AATK: variants seen among roughly 807,000 people sequenced by gnomAD.
AATK encodes the protein lemur tail kinase 1.
In AATK, 91 loss-of-function variants were observed where a neutral mutation model predicts 114.3. That is an observed-to-expected ratio of 0.80 (90% CI 0.67 to 0.95). The LOEUF (loss-of-function observed/expected upper bound fraction) is 0.95, where lower values mean the gene tolerates loss of function less well. Among genes scored for constraint, AATK ranks in the 40% least tolerant of loss-of-function variants. The pLI is 0.00. For missense variants in AATK, 2,176 were observed against 1,965.2 expected (o/e 1.11, Z -2.03); for synonymous variants, 1,075 against 916.5 (o/e 1.17, Z -3.12).
Position 81,131,109 on chromosome 17 carries a change from G to T in AATK, c.286C>A (p.Pro96Thr). The T allele has an allele frequency of 6.4e-7, 1 of 1,559,894 alleles. No individual in the cohort carries two copies. The highest frequency in any genetic ancestry group is 8.7e-7 in the Non-Finnish European group (1 of 1,152,488). Residue 96 changes from proline to threonine, a missense_variant, in exon 3 of 14, where the codon CCA becomes ACA. Coordinates refer to ENST00000326724, the MANE Select transcript of AATK (RefSeq NM_001080395.3). ...ATGGGCAAGGAGACCTCCGTGAGTG[G>T]CAGGACGTACACGTCGGGCCCGTTC... ...AQNGPDVYVL[P>T]LTEVSLPMAK... is the part of the protein sequence containing the mutation.
At chr17:81,161,150 C>T (rs117138630) in intron 1 of AATK, among the ~76,000 whole-genome samples, 135 of 152,338 alleles carry the variant, frequency 8.9e-4, no homozygotes, top group East Asian at 8.5e-3. Context: ...CCTGGGACCA[C>T]GGGCTGCTGG....
At position 81,122,090 on chromosome 17, in the gene AATK, G is replaced by A. The variant is rs893613833; in HGVS notation, c.1846C>T (p.Pro616Ser). The A allele has an allele frequency of 8.2e-6, 13 of 1,575,844 alleles. No homozygotes were observed. Among genetic ancestry groups the A allele is most frequent in the Non-Finnish European group, 1.1e-5 (13 of 1,168,278 alleles). ...GCTCCTCCCTCCGCCAGACTCAGGG[G>A]CCCCGCCGAGGGCGAGGGAGAGCGT... is the stretch of plus-strand genomic sequence containing the variant. Reference protein sequence around the residue: ...PSRSPSPSAGPLSLAEGGAED... With the variant: ...PSRSPSPSAGSLSLAEGGAED... Residue 616 changes from proline (P) to serine (S), a missense_variant, in exon 11 of 14, where the codon CCC becomes TCC. By Grantham distance (74) the Pro-to-Ser change is moderately conservative. Around this residue, in one of 4 missense-constraint regions of AATK, gnomAD observed 1,701 missense variants for 1,394.7 expected, o/e 1.22. Coordinates refer to ENST00000326724, the MANE Select transcript of AATK (RefSeq NM_001080395.3).
Position 81,118,115 on chromosome 17 carries a change from T to A in AATK, c.*287A>T, listed in dbSNP as rs1044251076. On this transcript the variant is annotated 3_prime_UTR_variant, in exon 14 of 14. Coordinates refer to ENST00000326724, the MANE Select transcript of AATK (RefSeq NM_001080395.3). ...CCCAGGGGCACTGGCCCCTTTTGAG[T>A]GTGTATGTGTGTACAGACACCCACT... 1.9e-4 allele frequency: 74 copies of A among 393,998 alleles called. No individual in the cohort carries two copies. The highest frequency in any genetic ancestry group is 1.5e-3 in the African/African-American group (71 of 48,708). The allele number at this position is 393,998 out of a possible 1,614,324, so 24.4% of individuals were successfully genotyped here. A position where few individuals can be genotyped will look rare whatever the true frequency, so the allele number is the denominator to read the frequency against.
At chr17:81,150,055 G>A (rs529400582) in intron 1 of AATK, among the ~76,000 whole-genome samples, 8 of 152,136 alleles carry the variant, frequency 5.3e-5, no homozygotes, top group Non-Finnish European at 7.4e-5. Flanking sequence ...GTGGATACTC[G>A]GTGTCCAGAC....
At chr17:81,123,436 G>T in intron 9 of AATK, 93 bp from the exon 10 acceptor site, 1 of 1,163,238 alleles carries the variant, frequency 8.6e-7, no homozygotes, top group Non-Finnish European at 1.1e-6. Flanking sequence ...GGCAGCTCCC[G>T]CCATCACGCC....
intron 1 of AATK, among the ~76,000 whole-genome samples, chr17:81,154,991 T>A (rs1233875804): frequency 6.6e-6 from 1 of 152,196 alleles, no homozygotes; most frequent in Non-Finnish European, 1.5e-5. Flanking sequence ...CTGTGCTTCA[T>A]CTCCAAATCA....
chr17:81,139,263 AG>A (rs1273069092), intron 1 of AATK, among the ~76,000 whole-genome samples: 1 of 152,060 alleles, frequency 6.6e-6, no homozygotes, highest in Non-Finnish European at 1.5e-5. Flanking sequence ...CCCCTCCACA[AG>A]CCACGTGGGA....
intron 1 of AATK, among the ~76,000 whole-genome samples, chr17:81,164,017 A>G (rs796525998): frequency 1.2e-4 from 19 of 152,300 alleles, no homozygotes; most frequent in African/African-American, 4.3e-4. Flanking sequence ...GCTCGCTCCA[A>G]TTCGGGGATG....
intron 2 of AATK, among the ~76,000 whole-genome samples, chr17:81,132,206 T>G (rs2060944111): frequency 6.6e-6 from 1 of 152,144 alleles, no homozygotes; most frequent in African/African-American, 2.4e-5. Flanking sequence ...TTTCTGTCCT[T>G]CCTCACAACC....
chr17:81,152,533 AC>A (rs1292213023), intron 1 of AATK, among the ~76,000 whole-genome samples: 1 of 152,298 alleles, frequency 6.6e-6, no homozygotes, highest in East Asian at 1.9e-4. Context: ...GCAGTGAGCC[AC>A]CATTGCACCA....
In AATK at chr17:81,120,026, T is replaced by C; in HGVS notation, c.3793A>G (p.Thr1265Ala). The change falls in exon 12 of 14, where the codon ACG becomes GCG. Residue 1265 changes from threonine (T) to alanine (A), a missense_variant. Thr to Ala is a moderately conservative substitution (Grantham distance 58). Coordinates refer to ENST00000326724, the MANE Select transcript of AATK (RefSeq NM_001080395.3). Reference sequence around the variant, plus strand: ...GAGCCGGGGCTCCCCCTAAGGAACGTAGGGGGCGATTCCTTGGCGCCCGGG... The same window carrying C: ...GAGCCGGGGCTCCCCCTAAGGAACGCAGGGGGCGATTCCTTGGCGCCCGGG... ...PFPGAKESPP[T>A]FLRGSPGSPS... The C allele has an allele frequency of 1.4e-6, 2 of 1,451,808 alleles. No homozygotes were observed. The highest frequency in any genetic ancestry group is 5.3e-5 in the East Asian group (2 of 37,384). The allele number at this position is 1,451,808 out of a possible 1,614,324, so 89.9% of individuals were successfully genotyped here. A position where few individuals can be genotyped will look rare whatever the true frequency, so the allele number is the denominator to read the frequency against.
intron 1 of AATK, chr17:81,165,731 C>T: frequency 6.6e-7 from 1 of 1,524,128 alleles, no homozygotes. Context: ...GGGACGCCAG[C>T]CCACAGGCGG....
chr17:81,151,316 C>G (rs59549421), intron 1 of AATK, among the ~76,000 whole-genome samples: 55,162 of 137,690 alleles, frequency 0.4, 11,920 homozygotes, highest in East Asian at 0.58. Flanking sequence ...CTGTCTCCCC[C>G]CTCACCCCTC....
At position 81,121,382 on chromosome 17, in the gene AATK, C is replaced by G; in HGVS notation, c.2554G>C (p.Glu852Gln). 6.2e-7 allele frequency: 1 copy of G among 1,610,094 alleles called. No homozygotes were observed. Among genetic ancestry groups the G allele is most frequent in the Non-Finnish European group, 8.5e-7 (1 of 1,179,132 alleles). The change falls in exon 11 of 14, where the codon GAG becomes CAG. Residue 852 changes from glutamate (E) to glutamine (Q), a missense_variant. Around this residue, in one of 4 missense-constraint regions of AATK, gnomAD observed 1,701 missense variants for 1,394.7 expected, o/e 1.22. Transcript: ENST00000326724. ...SALNGSSSSP[E>Q]VEAPSSEDED... ...TCCTCACTGCTGGGTGCCTCCACCT[C>G]GGGAGAGCTGCTGCTGCCATTCAGG...
At chr17:81,143,130 C>T (rs1379698822) in intron 1 of AATK, among the ~76,000 whole-genome samples, 5 of 152,166 alleles carry the variant, frequency 3.3e-5, no homozygotes, top group South Asian at 2.1e-4. Flanking sequence ...GGGAGAGTTC[C>T]GAGAGTGGCC....
At chr17:81,141,948 CTTCCT>C (rs1421368646) in intron 1 of AATK, among the ~76,000 whole-genome samples, 3 of 132,988 alleles carry the variant, frequency 2.3e-5, no homozygotes, top group Non-Finnish European at 5.0e-5. Flanking sequence ...TCCTTCCTTC[CTTCCT>C]TTCCTTCCTT....
chr17:81,134,269 C>T, intron 2 of AATK, 99 bp downstream of exon 2: 1 of 1,508,834 alleles, frequency 6.6e-7, no homozygotes, highest in Non-Finnish European at 8.9e-7. Context: ...CAGCAGCCAC[C>T]TTGATGGCCC....
Position 81,119,493 on chromosome 17 carries a change from G to T in AATK, c.3971C>A (p.Pro1324Gln), listed in dbSNP as rs777178220. 5 of 1,520,456 alleles carry T rather than the reference G, an allele frequency of 3.3e-6. No homozygotes were observed. Among genetic ancestry groups the T allele is most frequent in the South Asian group, 2.5e-5 (2 of 78,958 alleles). The allele number at this position is 1,520,456 out of a possible 1,614,324, so 94.2% of individuals were successfully genotyped here. A position where few individuals can be genotyped will look rare whatever the true frequency, so the allele number is the denominator to read the frequency against. ...AGCGGGCGTGGGCGTGGGCGCAGCC[G>T]GGGCGGGTGCGGCCGGGTCTAGGGC... ...AMALDPAAPA[P>Q]AAPTPTPAPF... The change falls in exon 13 of 14, where the codon CCG (proline) becomes CAG (glutamine). Residue 1324 changes from proline to glutamine, a missense_variant. Physicochemically the swap from Pro to Gln is moderately conservative, Grantham distance 76. Around this residue, in one of 4 missense-constraint regions of AATK, gnomAD observed 1,701 missense variants for 1,394.7 expected, o/e 1.22. Transcript: ENST00000326724.
chr17:81,132,295 G>A (rs2060945530), intron 2 of AATK, among the ~76,000 whole-genome samples: 1 of 152,234 alleles, frequency 6.6e-6, no homozygotes, highest in Non-Finnish European at 1.5e-5. Context: ...ACCCGGGCTG[G>A]TGAGTCCGAG....
Sources: allele counts gnomAD v4.1 joint callset (sites outside exome capture counted in the v4.1 genomes callset), GRCh38; gene constraint gnomAD v4.1.1; regional missense constraint gnomAD v4.1.1; transcripts MANE v1.5; gene names NCBI Gene and HGNC (gene_info 2026-07-23, HGNC 2026-07-21).